COA3: variants seen among roughly 807,000 people sequenced by gnomAD.
COA3 encodes the protein cytochrome c oxidase assembly factor 3.
COA3 carries 10 observed loss-of-function variants against 10.1 expected under a neutral mutation model. That is an observed-to-expected ratio of 0.99 (90% confidence interval 0.61 to 1.67). The LOEUF (loss-of-function observed/expected upper bound fraction) is 1.67, where lower values mean the gene tolerates loss of function less well. Ranked by LOEUF, COA3 falls within the 40% of genes most tolerant of loss-of-function variation. The probability of loss-of-function intolerance (pLI) is 0.00; values close to 1 mark genes in which losing one functional copy is unlikely to be tolerated. For missense variants in COA3, 142 were observed against 140.7 expected (o/e 1.01, Z -0.05); for synonymous variants, 57 against 63.1 (o/e 0.90, Z 0.46).
intron 1 of COA3, 70 bp downstream of exon 1, chr17:42,798,398 A>C (rs2144103915): frequency 6.7e-7 from 1 of 1,493,926 alleles, no homozygotes; most frequent in Admixed American, 1.7e-5. Context: ...CGGGTGGTTC[A>C]GCCCTCTTGC....
rs1408897978 is a variant in COA3 at position 42,798,291 on chromosome 17, C to A, written c.215-124G>T. ...GCTTCCCGCCGCTGCTGTTTCTAAA[C>A]CCTGAACCCCAATTCCGTTATTATT... On this transcript the variant is annotated intron_variant, in intron 1 of 1. Transcript: ENST00000328434. 3 of 953,110 alleles carry A rather than the reference C, an allele frequency of 3.1e-6. No individual in the cohort carries two copies. The African/African-American group carries it at 4.9e-5, about 16-fold the overall frequency. 59.0% of individuals were successfully genotyped at this position (953,110 alleles called of 1,614,324 possible).
In COA3 at chr17:42,798,583, C is replaced by G; in HGVS notation, c.99G>C (p.Glu33Asp). 6.2e-7 allele frequency: 1 copy of G among 1,614,196 alleles called. No individual in the cohort carries two copies. The highest frequency in any genetic ancestry group is 1.1e-5 in the South Asian group (1 of 91,086). Residue 33 changes from glutamate (E) to aspartate (D), a missense_variant, in exon 1 of 2, where the codon GAG becomes GAC. Coordinates refer to ENST00000328434, the MANE Select transcript of COA3 (RefSeq NM_001040431.3). Reference sequence around the variant, plus strand: ...CCGCCTGCCGCATGGAATGCAGTTGCTCGGGTGTCAGCTTCTCCCGAGTCG... The same window carrying G: ...CCGCCTGCCGCATGGAATGCAGTTGGTCGGGTGTCAGCTTCTCCCGAGTCG... ...IDPTREKLTP[E>D]QLHSMRQAEL...
rs1470643642 is a variant in COA3, at chr17:42,797,970, T to A, written c.*91A>T. 2 of 844,516 alleles carry A rather than the reference T, an allele frequency of 2.4e-6. No homozygotes were observed. Among genetic ancestry groups the A allele is most frequent in the Non-Finnish European group, 3.9e-6 (2 of 517,476 alleles). The allele number at this position is 844,516 out of a possible 1,614,324, so 52.3% of individuals were successfully genotyped here. A position where few individuals can be genotyped will look rare whatever the true frequency, so the allele number is the denominator to read the frequency against. ...GTTAGTAAGAAGGCCAACAATGTTG[T>A]GAGCAGGATTCAATTTCTACAGGGT... is the stretch of plus-strand genomic sequence containing the variant. On this transcript the variant is annotated 3_prime_UTR_variant, in exon 2 of 2. Transcript: ENST00000328434.
In COA3 at chr17:42,798,400, C is replaced by T. The variant is rs752885717; in HGVS notation, c.214+68G>A. ...CCCCAAAATTAAACGGGTGGTTCAG[C>T]CCTCTTGCACACTCTGTTCCCCTGC... On this transcript the variant is annotated intron_variant, in intron 1 of 1. Coordinates refer to ENST00000328434, the MANE Select transcript of COA3 (RefSeq NM_001040431.3). The T allele has an allele frequency of 1.7e-5, 26 of 1,508,644 alleles. No individual in the cohort carries two copies. In the Admixed American group the frequency reaches 4.5e-4, roughly 26 times the overall value. The allele number at this position is 1,508,644 out of a possible 1,614,324, so 93.5% of individuals were successfully genotyped here.
rs538855665 is a variant in COA3 at position 42,798,109 on chromosome 17, C to T, written c.273G>A (p.Glu91=). Residue 91 remains glutamate (E), a synonymous_variant, in exon 2 of 2, where the codon GAG becomes GAA. Transcript: ENST00000328434. Reference sequence around the variant, plus strand: ...GAGCTCGGGCTCGGGCAGCTTTGGCCTCGTCTTCTAGCTCATCTAGGAAAC... The same window carrying T: ...GAGCTCGGGCTCGGGCAGCTTTGGCTTCGTCTTCTAGCTCATCTAGGAAAC... ...QERFLDELED[E]AKAARARALA... is the part of the protein sequence containing the mutation. 17 of 1,614,098 alleles carry T rather than the reference C, an allele frequency of 1.1e-5. No individual in the cohort carries two copies. Among genetic ancestry groups the T allele is most frequent in the Admixed American group, 6.7e-5 (4 of 60,010 alleles).
intron 1 of COA3, 125 bp from the exon 2 acceptor site, chr17:42,798,292 C>A: frequency 1.0e-6 from 1 of 955,998 alleles, no homozygotes; most frequent in Non-Finnish European, 1.6e-6. Flanking sequence ...GTTTCTAAAC[C>A]CTGAACCCCA....
intron 1 of COA3, 101 bp downstream of exon 1, chr17:42,798,367 C>T: frequency 8.4e-7 from 1 of 1,183,938 alleles, no homozygotes; most frequent in Non-Finnish European, 1.2e-6. Context: ...AAAGTACTAC[C>T]CATTTTACCC....
chr17:42,798,423 T>C, intron 1 of COA3, 45 bp downstream of exon 1: 1 of 1,588,730 alleles, frequency 6.3e-7, no homozygotes, highest in Non-Finnish European at 8.6e-7. Context: ...TCTGTTCCCC[T>C]GCCCCTATAT....
chr17:42,798,630 G>A lies in COA3; in HGVS notation c.52C>T (p.Pro18Ser). ...DPLDSKRGEAPFAQRIDPTRE... is the reference protein window; with the variant it reads ...DPLDSKRGEASFAQRIDPTRE... ...GTCGGGTCGATACGCTGAGCGAACGGGGCCTCTCCACGCTTAGAATCCAGA... is the reference window on the plus strand; with the variant it reads ...GTCGGGTCGATACGCTGAGCGAACGAGGCCTCTCCACGCTTAGAATCCAGA... The change falls in exon 1 of 2, where the codon CCG becomes TCG. Residue 18 changes from proline to serine, a missense_variant. By Grantham distance (74) the Pro-to-Ser change is moderately conservative. Transcript: ENST00000328434. 1 of 1,614,114 alleles carries A rather than the reference G, an allele frequency of 6.2e-7. No individual in the cohort carries two copies.
chr17:42,798,274 C>A, intron 1 of COA3, 107 bp from the exon 2 acceptor site: 1 of 986,022 alleles, frequency 1.0e-6, no homozygotes, highest in South Asian at 1.5e-5. Flanking sequence ...CGGCTTCCCG[C>A]CGCTGCTGTT....
chr17:42,798,702 G>A lies in COA3; in HGVS notation c.-21C>T. On this transcript the variant is annotated 5_prime_UTR_variant, in exon 1 of 2. Transcript: ENST00000328434. ...GCCATGTTGCCACTCCTCCCTTCGC[G>A]GTGCCGCCGCGCGGGCCTCGCTGGG... 2 of 1,604,856 alleles carry A rather than the reference G, an allele frequency of 1.2e-6. No homozygotes were observed. Among genetic ancestry groups the A allele is most frequent in the Non-Finnish European group, 1.7e-6 (2 of 1,174,128 alleles).
At chr17:42,798,191 C>A in intron 1 of COA3, 24 bp from the exon 2 acceptor site, 1 of 1,501,860 alleles carries the variant, frequency 6.7e-7, no homozygotes, top group South Asian at 1.1e-5. Context: ...TTCAGGAAAC[C>A]ACACAGAATA....
At position 42,797,974 on chromosome 17, in the gene COA3, C is replaced by G. The variant is rs2054703003; in HGVS notation, c.*87G>C. Reference sequence around the variant, plus strand: ...GTAAGAAGGCCAACAATGTTGTGAGCAGGATTCAATTTCTACAGGGTCATG... The same window carrying G: ...GTAAGAAGGCCAACAATGTTGTGAGGAGGATTCAATTTCTACAGGGTCATG... On this transcript the variant is annotated 3_prime_UTR_variant, in exon 2 of 2. Transcript: ENST00000328434. The G allele has an allele frequency of 2.3e-6, 2 of 869,362 alleles. No homozygotes were observed. The highest frequency in any genetic ancestry group is 1.7e-5 in the African/African-American group (1 of 59,632). The allele number at this position is 869,362 out of a possible 1,614,324, so 53.9% of individuals were successfully genotyped here.
Position 42,798,555 on chromosome 17 carries a change from G to A in COA3, c.127C>T (p.Leu43Phe), listed in dbSNP as rs1367087224. The A allele has an allele frequency of 3.7e-6, 6 of 1,613,728 alleles. No individual in the cohort carries two copies. The highest frequency in any genetic ancestry group is 5.1e-6 in the Non-Finnish European group (6 of 1,180,054). Residue 43 changes from leucine (L) to phenylalanine (F), a missense_variant, in exon 1 of 2, where the codon CTT becomes TTT. Transcript: ENST00000328434. ...EQLHSMRQAE[L>F]AQWQKVLPRR... ...GGTAGGACCTTCTGCCACTGGGCAA[G>A]CTCCGCCTGCCGCATGGAATGCAGT...
intron 1 of COA3, 69 bp from the exon 2 acceptor site, chr17:42,798,236 T>G: frequency 8.5e-7 from 1 of 1,182,286 alleles, no homozygotes; most frequent in Non-Finnish European, 1.3e-6. Flanking sequence ...GCTCTACCAC[T>G]CTTGTTACTC....
rs1251476139 is a variant in COA3 at position 42,798,632 on chromosome 17, G to A, written c.50C>T (p.Ala17Val). Residue 17 changes from alanine (A) to valine (V), a missense_variant, in exon 1 of 2, where the codon GCC becomes GTC. Physicochemically the swap from Ala to Val is moderately conservative, Grantham distance 64. Transcript: ENST00000328434. ...GDPLDSKRGEAPFAQRIDPTR... is the reference protein window; with the variant it reads ...GDPLDSKRGEVPFAQRIDPTR... ...CGGGTCGATACGCTGAGCGAACGGGGCCTCTCCACGCTTAGAATCCAGAGG... is the reference window on the plus strand; with the variant it reads ...CGGGTCGATACGCTGAGCGAACGGGACCTCTCCACGCTTAGAATCCAGAGG... 4 of 1,613,984 alleles carry A rather than the reference G, an allele frequency of 2.5e-6. No homozygotes were observed. The highest frequency in any genetic ancestry group is 3.4e-6 in the Non-Finnish European group (4 of 1,180,008).
rs760900832 is a variant in COA3, at chr17:42,798,135, G to T, written c.247C>A (p.Arg83Ser). ...GYTFYSISQE[R>S]FLDELEDEAK... Reference sequence around the variant, plus strand: ...TCGTCTTCTAGCTCATCTAGGAAACGCTCCTGGGAAATCGAGTAGAAGGTG... The same window carrying T: ...TCGTCTTCTAGCTCATCTAGGAAACTCTCCTGGGAAATCGAGTAGAAGGTG... The change falls in exon 2 of 2, where the codon CGT becomes AGT. Residue 83 changes from arginine to serine, a missense_variant. Physicochemically the swap from Arg to Ser is moderately radical, Grantham distance 110 (BLOSUM62 -1). Coordinates refer to ENST00000328434, the MANE Select transcript of COA3 (RefSeq NM_001040431.3). 1 of 1,614,028 alleles carries T rather than the reference G, an allele frequency of 6.2e-7. No individual in the cohort carries two copies. Among genetic ancestry groups the T allele is most frequent in the South Asian group, 1.1e-5 (1 of 91,076 alleles).
Position 42,798,167 on chromosome 17 carries a change from T to C in COA3, c.215A>G (p.Tyr72Cys), listed in dbSNP as rs139877390. ...GGAAATCGAGTAGAAGGTGTAACCA[T>C]CTGGGGAGGTAGGTTCAGGAAACCA... ...LGIGALVLAIYGYTFYSISQE... is the reference protein window; with the variant it reads ...LGIGALVLAICGYTFYSISQE... The change falls in exon 2 of 2, where the codon TAT becomes TGT. Residue 72 changes from tyrosine to cysteine, a missense_variant and splice_region_variant. Coordinates refer to ENST00000328434, the MANE Select transcript of COA3 (RefSeq NM_001040431.3). 546 of 1,608,574 alleles carry C rather than the reference T, an allele frequency of 3.4e-4. 2 individuals are homozygous for C. The highest frequency in any genetic ancestry group is 4.4e-4 in the Non-Finnish European group (513 of 1,175,216).
chr17:42,798,420 C>T (rs765349112), intron 1 of COA3, 48 bp downstream of exon 1: 52 of 1,585,702 alleles, frequency 3.3e-5, no homozygotes, highest in Non-Finnish European at 4.0e-5. Context: ...CACTCTGTTC[C>T]CCTGCCCCTA....
Sources: gnomAD v4.1 joint callset for allele counts on GRCh38, gnomAD v4.1.1 for gene constraint, MANE v1.5 for transcripts, NCBI Gene and HGNC (gene_info 2026-07-23, HGNC 2026-07-21) for gene names.